Variants in ZSWIM6 observed in about 807,000 individuals in gnomAD.
ZSWIM6 encodes zinc finger SWIM domain-containing protein 6.
In ZSWIM6, 9 loss-of-function variants were observed where a neutral mutation model predicts 113.2. The observed-to-expected ratio is 0.08, with a 90% CI of 0.05 to 0.14. The LOEUF is 0.14. Ranked by LOEUF, ZSWIM6 falls within the 10% of genes least tolerant of loss-of-function variation. ZSWIM6 has a pLI of 1.00. For synonymous variants in ZSWIM6, 611 were observed against 606.5 expected, an observed-to-expected ratio of 1.01 and a Z score of -0.11; for missense variants, 1,162 against 1,552.2, an observed-to-expected ratio of 0.75 and a Z score of 4.22.
At chr5:61,531,337 GT>G in intron 8 of ZSWIM6, 127 bp from the exon 9 acceptor site, 1 of 1,157,246 alleles carries the variant, frequency 8.6e-7, no homozygotes, top group Non-Finnish European at 1.2e-6. Context: ...TAAAAAACAT[GT>G]TTTCTGGCTT....
At chr5:61,391,162 G>A (rs1745700183) in intron 1 of ZSWIM6, 10 of 796,370 alleles carry the variant, frequency 1.3e-5, no homozygotes, top group Admixed American at 5.1e-5. Context: ...TAGCTTCTTG[G>A]TGTGCCAACG....
At chr5:61,362,665 C>A (rs1232286413) in intron 1 of ZSWIM6, among the ~76,000 whole-genome samples, 1 of 152,166 alleles carries the variant, frequency 6.6e-6, no homozygotes, top group African/African-American at 2.4e-5. Flanking sequence ...AGGCTGGGCA[C>A]TTTTCTCCTA....
chr5:61,463,369 T>G (rs750200616), intron 1 of ZSWIM6, among the ~76,000 whole-genome samples: 1 of 152,220 alleles, frequency 6.6e-6, no homozygotes, highest in Non-Finnish European at 1.5e-5. Flanking sequence ...TTTACTATGT[T>G]TGCTCAAATA....
chr5:61,359,704 A>G lies in ZSWIM6; in HGVS notation c.676+26756A>G, dbSNP rs181376786. 2.7e-3 allele frequency among the ~76,000 whole-genome samples: 407 copies of G among 152,308 alleles called. 3 individuals are homozygous for G. The highest frequency in any genetic ancestry group is 3.4e-3 in the Middle Eastern group (1 of 294). On this transcript the variant is annotated intron_variant, in intron 1 of 13. Transcript: ENST00000252744. ...ATGTGGGTTTGATGCTTGAAGAGCA[A>G]CAATTGTTAATATTGATAAAGTGCT...
chr5:61,496,569 G>A (rs1227273827), intron 4 of ZSWIM6, among the ~76,000 whole-genome samples: 1 of 152,138 alleles, frequency 6.6e-6, no homozygotes, highest in Non-Finnish European at 1.5e-5. Flanking sequence ...ATTGAGAAGA[G>A]GCTGAGTTTT....
intron 1 of ZSWIM6, among the ~76,000 whole-genome samples, chr5:61,416,942 GA>G (rs1296276460): frequency 6.6e-6 from 1 of 152,188 alleles, no homozygotes; most frequent in Non-Finnish European, 1.5e-5. Flanking sequence ...AGGAGTTTGA[GA>G]CCAGCCTGAC....
intron 1 of ZSWIM6, among the ~76,000 whole-genome samples, chr5:61,398,912 GTTTTTTTTTTT>G (rs57439648): frequency 3.2e-5 from 2 of 61,784 alleles, no homozygotes; most frequent in East Asian, 6.5e-4. Flanking sequence ...GTGTATAGTT[GTTTTTTTTTTT>G]TTTTTTTTTT....
chr5:61,350,164 C>T (rs1744750526), intron 1 of ZSWIM6, among the ~76,000 whole-genome samples: 1 of 152,192 alleles, frequency 6.6e-6, no homozygotes, highest in Non-Finnish European at 1.5e-5. Flanking sequence ...TGTGTGACCA[C>T]CTGTTCCCAT....
At chr5:61,403,680 G>A (rs1037384252) in intron 1 of ZSWIM6, among the ~76,000 whole-genome samples, 3 of 152,146 alleles carry the variant, frequency 2.0e-5, no homozygotes, top group Non-Finnish European at 4.4e-5. Context: ...GGGAATACAC[G>A]CCTGTAAACA....
chr5:61,520,189 A>G (rs1749075017), intron 4 of ZSWIM6, among the ~76,000 whole-genome samples: 1 of 152,202 alleles, frequency 6.6e-6, no homozygotes, highest in Non-Finnish European at 1.5e-5. Context: ...GATAAATAAA[A>G]CATAAACAGT....
Position 61,531,672 on chromosome 5 carries a change from T to G in ZSWIM6, c.2192T>G (p.Leu731Trp), listed in dbSNP as rs575815876. ...ATTTCTAAGCTTCAGGAAATTGAAT[T>G]GGATGACACACTGGTGAAAATTTTT... ...QLISKLQEIELDDTLVKIFRK... is the reference protein window; with the variant it reads ...QLISKLQEIEWDDTLVKIFRK... Residue 731 changes from leucine (L) to tryptophan (W), a missense_variant, in exon 9 of 14, where the codon TTG becomes TGG. Physicochemically the swap from Leu to Trp is moderately conservative, Grantham distance 61 (BLOSUM62 -2). Transcript: ENST00000252744. 6.4e-7 allele frequency: 1 copy of G among 1,551,738 alleles called. No individual in the cohort carries two copies.
chr5:61,477,083 C>G (rs1747726108), intron 2 of ZSWIM6, among the ~76,000 whole-genome samples: 1 of 152,152 alleles, frequency 6.6e-6, no homozygotes, highest in African/African-American at 2.4e-5. Context: ...AATTGGAGGT[C>G]AGATTGCTTT....
At chr5:61,355,975 T>C (rs1215754390) in intron 1 of ZSWIM6, among the ~76,000 whole-genome samples, 1 of 152,184 alleles carries the variant, frequency 6.6e-6, no homozygotes, top group African/African-American at 2.4e-5. Context: ...TAATAAGTTC[T>C]TTCTGTTTAT....
chr5:61,543,914 T>G lies in ZSWIM6; in HGVS notation c.3245T>G (p.Leu1082Arg), dbSNP rs764052973. Residue 1082 changes from leucine (L) to arginine (R), a missense_variant, in exon 14 of 14, where the codon CTT becomes CGT. By Grantham distance (102) the Leu-to-Arg change is moderately radical. This residue lies in a region of ZSWIM6 where 113 missense variants were observed against 213.8 expected (regional missense o/e 0.53). Transcript: ENST00000252744. The surrounding 1 kb of genome is among the most constrained non-coding windows in gnomAD (Gnocchi z 4.3). ...VLWACALSHS[L>R]GKNELAAIIP... ...TGGGCCTGTGCGCTTAGCCACTCCC[T>G]TGGTAAAAATGAGCTTGCAGCTATA... is the stretch of plus-strand genomic sequence containing the variant. 1 of 1,551,854 alleles carries G rather than the reference T, an allele frequency of 6.4e-7. No individual in the cohort carries two copies. The highest frequency in any genetic ancestry group is 1.2e-5 in the South Asian group (1 of 84,054).
chr5:61,357,355 G>C (rs1392465429), intron 1 of ZSWIM6, among the ~76,000 whole-genome samples: 1 of 152,150 alleles, frequency 6.6e-6, no homozygotes, highest in Non-Finnish European at 1.5e-5. Context: ...CTAGGGTTAG[G>C]CTATGGGAAT....
At chr5:61,388,537 GACTT>G (rs1745638524) in intron 1 of ZSWIM6, among the ~76,000 whole-genome samples, 1 of 152,192 alleles carries the variant, frequency 6.6e-6, no homozygotes, top group South Asian at 2.1e-4. Context: ...ACCTTGAAAA[GACTT>G]ACATCAAGTG....
intron 1 of ZSWIM6, among the ~76,000 whole-genome samples, chr5:61,358,919 T>C (rs1744975731): frequency 1.3e-5 from 2 of 152,244 alleles, no homozygotes; most frequent in East Asian, 3.8e-4. Flanking sequence ...GATTGGACAC[T>C]ACTGGCTTTG....
At chr5:61,357,781 C>A (rs1561205828) in intron 1 of ZSWIM6, among the ~76,000 whole-genome samples, 1 of 151,814 alleles carries the variant, frequency 6.6e-6, no homozygotes. Context: ...AAAACTAAAC[C>A]ATCCTTTTAT....
chr5:61,541,325 G>A (rs1043473053), intron 12 of ZSWIM6, among the ~76,000 whole-genome samples: 1 of 152,138 alleles, frequency 6.6e-6, no homozygotes, highest in Non-Finnish European at 1.5e-5. Flanking sequence ...TTGTTAGAAA[G>A]TGAAAAACAA....
Sources: allele counts gnomAD v4.1 joint callset (sites outside exome capture counted in the v4.1 genomes callset), GRCh38; gene constraint gnomAD v4.1.1; regional missense constraint gnomAD v4.1.1; non-coding constraint Gnocchi (gnomAD v3.1); transcripts MANE v1.5; gene names NCBI Gene and HGNC (gene_info 2026-07-23, HGNC 2026-07-21).